Variants in MYO1D observed in about 807,000 individuals in gnomAD.
MYO1D encodes the protein unconventional myosin-Id.
MYO1D carries 83 observed loss-of-function variants against 122.0 expected under a neutral mutation model. The observed-to-expected ratio is 0.68, with a 90% CI of 0.57 to 0.82. The LOEUF (loss-of-function observed/expected upper bound fraction) is 0.82. Among genes scored for constraint, MYO1D ranks in the 40% least tolerant of loss-of-function variants. The pLI, the probability that MYO1D is intolerant of heterozygous loss-of-function variation, is 0.00. For synonymous variants in MYO1D, 464 were observed against 446.9 expected, an observed-to-expected ratio of 1.04 and a Z score of -0.48; for missense variants, 1,157 against 1,269.5, an observed-to-expected ratio of 0.91 and a Z score of 1.35.
chr17:32,630,662 T>C (rs1468963892), intron 20 of MYO1D, among the ~76,000 whole-genome samples: 1 of 150,340 alleles, frequency 6.7e-6, no homozygotes, highest in Non-Finnish European at 1.5e-5. Flanking sequence ...AAGCTCCGCC[T>C]CCTGGGTTCA....
intron 21 of MYO1D, among the ~76,000 whole-genome samples, chr17:32,554,879 A>G (rs1034098487): frequency 6.6e-6 from 1 of 152,216 alleles, no homozygotes; most frequent in Non-Finnish European, 1.5e-5. Context: ...AAACGGGCCA[A>G]TTAAATCTAG....
intron 1 of MYO1D, among the ~76,000 whole-genome samples, chr17:32,815,249 T>C (rs1176924058): frequency 6.6e-6 from 1 of 152,236 alleles, no homozygotes; most frequent in Non-Finnish European, 1.5e-5. Flanking sequence ...GAAAAAATTA[T>C]CTCATAAGAG....
intron 1 of MYO1D, among the ~76,000 whole-genome samples, chr17:32,809,904 C>A (rs183749592): frequency 6.6e-6 from 1 of 152,182 alleles, no homozygotes; most frequent in African/African-American, 2.4e-5. Flanking sequence ...AGTACAAATT[C>A]ACAATGATCA....
intron 16 of MYO1D, among the ~76,000 whole-genome samples, chr17:32,683,553 A>G (rs1361274569): frequency 1.3e-5 from 2 of 152,044 alleles, no homozygotes; most frequent in Admixed American, 6.6e-5. Flanking sequence ...CCTCCCAGTT[A>G]GGCTGCTCGG....
chr17:32,557,667 T>A (rs1336676985), intron 21 of MYO1D, among the ~76,000 whole-genome samples: 1 of 151,460 alleles, frequency 6.6e-6, no homozygotes, highest in Non-Finnish European at 1.5e-5. Context: ...CCACCATGCC[T>A]AAATTTTGTA....
At chr17:32,600,499 G>T (rs1485341962) in intron 21 of MYO1D, among the ~76,000 whole-genome samples, 1 of 152,204 alleles carries the variant, frequency 6.6e-6, no homozygotes, top group Non-Finnish European at 1.5e-5. Flanking sequence ...ATCTTAGCTA[G>T]ATCTTCTGAA....
rs755189217 is a variant in MYO1D, at chr17:32,811,616, C to CTTT, written c.96-30835_96-30833dup. Among the ~76,000 whole-genome samples, 381 of 57,506 alleles carry CTTT rather than the reference C, an allele frequency of 6.6e-3. 80 individuals are homozygous for CTTT. The highest frequency in any genetic ancestry group is 0.013 in the East Asian group (20 of 1,494). 37.7% of individuals were successfully genotyped at this position (57,506 alleles called of 152,430 possible). A position where few individuals can be genotyped will look rare whatever the true frequency, so the allele number is the denominator to read the frequency against. The stretch of plus-strand genomic sequence containing the variant: ...ACATTTATCTCCCAACCCTCACCCT[C>CTTT]TTTTTTTTTTTTTTTTTTTTTTTTT... On this transcript the variant is annotated intron_variant, in intron 1 of 21. Coordinates refer to ENST00000318217, the MANE Select transcript of MYO1D (RefSeq NM_015194.3).
intron 21 of MYO1D, among the ~76,000 whole-genome samples, chr17:32,599,184 G>T (rs1280915114): frequency 6.6e-6 from 1 of 152,178 alleles, no homozygotes; most frequent in African/African-American, 2.4e-5. Context: ...CTCAAACTCT[G>T]TCACTGCTTT....
chr17:32,638,309 T>C lies in MYO1D; in HGVS notation c.2709+413A>G, dbSNP rs530617947. 9.9e-5 allele frequency among the ~76,000 whole-genome samples: 15 copies of C among 152,236 alleles called. 1 individual carries two copies. The South Asian group carries it at 1.7e-3, about 17-fold the overall frequency. Reference sequence around the variant, plus strand: ...AACAACTAAATATGCACAAAATATATGGTGAAAAGAATTCTGGAAGCAGCA... The same window carrying C: ...AACAACTAAATATGCACAAAATATACGGTGAAAAGAATTCTGGAAGCAGCA... On this transcript the variant is annotated intron_variant, in intron 20 of 21. Transcript: ENST00000318217.
intron 21 of MYO1D, chr17:32,512,746 T>TGTC (rs1332424987): frequency 6.6e-6 from 1 of 152,288 alleles, no homozygotes; most frequent in Admixed American, 6.5e-5. Flanking sequence ...GCTCAGCCAG[T>TGTC]GTCTCTCCTT....
intron 16 of MYO1D, among the ~76,000 whole-genome samples, chr17:32,691,071 G>A (rs747465090): frequency 5.9e-5 from 9 of 151,690 alleles, no homozygotes; most frequent in Admixed American, 1.3e-4. Flanking sequence ...ACACCAGCCC[G>A]GGCAAGATAG....
At chr17:32,837,500 TC>T (rs1266604719) in intron 1 of MYO1D, among the ~76,000 whole-genome samples, 1 of 152,140 alleles carries the variant, frequency 6.6e-6, no homozygotes, top group Non-Finnish European at 1.5e-5. Flanking sequence ...TCTTTTTGCA[TC>T]CCTAGGTGGG....
intron 1 of MYO1D, among the ~76,000 whole-genome samples, chr17:32,803,805 T>C (rs1242246542): frequency 6.6e-6 from 1 of 152,220 alleles, no homozygotes; most frequent in African/African-American, 2.4e-5. Context: ...AAACAACATC[T>C]GCAAAGCAGA....
intron 16 of MYO1D, among the ~76,000 whole-genome samples, chr17:32,688,978 T>C (rs1031840200): frequency 7.2e-5 from 11 of 151,986 alleles, no homozygotes; most frequent in East Asian, 1.9e-4. Flanking sequence ...TGTGCGTGCA[T>C]GTAAGAGAGT....
Position 32,854,310 on chromosome 17 carries a change from T to C in MYO1D, c.95+22468A>G, listed in dbSNP as rs114018312. 2.0e-3 allele frequency among the ~76,000 whole-genome samples: 305 copies of C among 152,316 alleles called. 3 individuals carry two copies. The highest frequency in any genetic ancestry group is 7.1e-3 in the African/African-American group (296 of 41,570). On this transcript the variant is annotated intron_variant, in intron 1 of 21. Transcript: ENST00000318217. ...AAAAATGGATCCTGGCAGAGTAGAC[T>C]AGTAAAAATTTATGAAACTCTGAAA...
In MYO1D at chr17:32,830,788, G is replaced by A. The variant is rs533678772; in HGVS notation, c.95+45990C>T. Among the ~76,000 whole-genome samples the A allele has an allele frequency of 2.6e-5, 4 of 152,248 alleles. No homozygotes were observed. In the South Asian group the frequency reaches 8.3e-4, roughly 32 times the overall value. ...GTTTTTAAAAAATACCGATATGGGC[G>A]GTGGCTCATGCCTGTAATCCCAGCA... On this transcript the variant is annotated intron_variant, in intron 1 of 21. Coordinates refer to ENST00000318217, the MANE Select transcript of MYO1D (RefSeq NM_015194.3).
chr17:32,629,050 A>G (rs980575565), intron 20 of MYO1D, among the ~76,000 whole-genome samples: 2 of 152,194 alleles, frequency 1.3e-5, no homozygotes, highest in African/African-American at 4.8e-5. Context: ...AAAAAACAAA[A>G]TGTGCCAACA....
rs564933316 is a variant in MYO1D at position 32,857,112 on chromosome 17, A to G, written c.95+19666T>C. On this transcript the variant is annotated intron_variant, in intron 1 of 21. Transcript: ENST00000318217. Reference sequence around the variant, plus strand: ...CTGTAAACACGTGTTTCATACCTGTATAACACCTATCTTGTAGGGTTGAAT... The same window carrying G: ...CTGTAAACACGTGTTTCATACCTGTGTAACACCTATCTTGTAGGGTTGAAT... 6.8e-4 allele frequency among the ~76,000 whole-genome samples: 104 copies of G among 152,218 alleles called. 1 individual carries two copies. Among genetic ancestry groups the G allele is most frequent in the Non-Finnish European group, 8.1e-4 (55 of 68,048 alleles).
chr17:32,753,535 A>G (rs553173383), intron 11 of MYO1D, among the ~76,000 whole-genome samples: 128 of 152,358 alleles, frequency 8.4e-4, no homozygotes, highest in African/African-American at 3.0e-3. Context: ...TCCTCTCCAC[A>G]GACAAATTAC....
Sources: gnomAD v4.1 joint callset for allele counts (sites outside exome capture counted in the v4.1 genomes callset) on GRCh38, gnomAD v4.1.1 for gene constraint, MANE v1.5 for transcripts, NCBI Gene and HGNC (gene_info 2026-07-23, HGNC 2026-07-21) for gene names.